Variants in GOLGA2 observed in about 807,000 individuals in gnomAD.
The protein encoded by GOLGA2 is golgin subfamily A member 2.
In GOLGA2, 49 loss-of-function variants were observed where a neutral mutation model predicts 148.8. That is an observed-to-expected ratio of 0.33 (90% CI 0.26 to 0.42). The LOEUF (loss-of-function observed/expected upper bound fraction) is 0.42. Ranked by LOEUF, GOLGA2 falls within the 10% of genes least tolerant of loss-of-function variation. The pLI, the probability that GOLGA2 is intolerant of heterozygous loss-of-function variation, is 1.00. For missense variants in GOLGA2, 1,178 were observed against 1,304.6 expected (o/e 0.90, Z 1.49); for synonymous variants, 501 against 511.8 (o/e 0.98, Z 0.28).
In GOLGA2 at chr9:128,265,712, A is replaced by G. The variant is rs780405190; in HGVS notation, c.827-21T>C. On this transcript the variant is annotated intron_variant, in intron 11 of 26. Coordinates refer to ENST00000611957, the MANE Select transcript of GOLGA2 (RefSeq NM_001366244.2). ...CTCTCCTGGAATGAGAGAGGTTGAG[A>G]TGGGGCCCAAAGGACTCCCCCTAAA... is the stretch of plus-strand genomic sequence containing the variant. The G allele has an allele frequency of 5.0e-6, 8 of 1,612,408 alleles. No individual in the cohort carries two copies. In the South Asian group the frequency reaches 8.8e-5, roughly 18 times the overall value.
Position 128,260,196 on chromosome 9 carries a change from A to G in GOLGA2, c.1759-7T>C, listed in dbSNP as rs1830168122. ...TCTCCATGTTCTCATTAGTCTGGAC[A>G]GAGAGAAGCAATCAGCGGCCACCCA... On this transcript the variant is annotated splice_region_variant and splice_polypyrimidine_tract_variant and intron_variant, in intron 18 of 26. Coordinates refer to ENST00000611957, the MANE Select transcript of GOLGA2 (RefSeq NM_001366244.2). This position sits in a 1 kb window ranked among gnomAD's most constrained non-coding sequence, Gnocchi z 4.8. 1.9e-6 allele frequency: 3 copies of G among 1,592,762 alleles called. No individual in the cohort carries two copies. The highest frequency in any genetic ancestry group is 2.6e-6 in the Non-Finnish European group (3 of 1,167,766).
Position 128,267,522 on chromosome 9 carries a change from A to G in GOLGA2, c.502-5T>C. 6.2e-7 allele frequency: 1 copy of G among 1,609,444 alleles called. No individual in the cohort carries two copies. Among genetic ancestry groups the G allele is most frequent in the Non-Finnish European group, 8.5e-7 (1 of 1,175,734 alleles). The stretch of plus-strand genomic sequence containing the variant: ...CCCATTGACACATGTCGCAGACTAT[A>G]AGAGACGAGAGTGCACATGGAGATG... On this transcript the variant is annotated splice_polypyrimidine_tract_variant and splice_region_variant and intron_variant, in intron 6 of 26. Transcript: ENST00000611957.
chr9:128,267,571 CCTCT>C (rs1830672162), intron 6 of GOLGA2, 54 bp from the exon 7 acceptor site: 1 of 1,364,516 alleles, frequency 7.3e-7, no homozygotes, highest in Non-Finnish European at 1.0e-6. Flanking sequence ...GTGTCTAAGC[CCTCT>C]AACTTCGTTT....
rs1214169025 is a variant in GOLGA2, at chr9:128,266,480, C to CA, written c.643-156dup. The CA allele has an allele frequency of 1.5e-6, 1 of 650,156 alleles. No individual in the cohort carries two copies. Among genetic ancestry groups the CA allele is most frequent in the Non-Finnish European group, 2.7e-6 (1 of 369,258 alleles). 40.3% of individuals were successfully genotyped at this position (650,156 alleles called of 1,614,324 possible). A position where few individuals can be genotyped will look rare whatever the true frequency, so the allele number is the denominator to read the frequency against. On this transcript the variant is annotated intron_variant, in intron 8 of 26. Transcript: ENST00000611957. The surrounding 1 kb of genome is among the most constrained non-coding windows in gnomAD (Gnocchi z 4.2). Reference sequence around the variant, plus strand: ...AACTGGTAAACTCTCCTCAGGCTCTCAAGGAAAGGGGATTTGTGTCTTTGT... The same window carrying CA: ...AACTGGTAAACTCTCCTCAGGCTCTCAAAGGAAAGGGGATTTGTGTCTTTGT...
chr9:128,267,082 C>T, intron 8 of GOLGA2, 112 bp downstream of exon 8: 2 of 796,074 alleles, frequency 2.5e-6, no homozygotes, highest in South Asian at 2.8e-5. Context: ...CCCCCCAGCT[C>T]CCCATTCGCC....
Position 128,261,993 on chromosome 9 carries a change from C to G in GOLGA2, c.1135-236G>C, listed in dbSNP as rs1830304561. On this transcript the variant is annotated intron_variant, in intron 14 of 26. Coordinates refer to ENST00000611957, the MANE Select transcript of GOLGA2 (RefSeq NM_001366244.2). The surrounding 1 kb of genome is among the most constrained non-coding windows in gnomAD (Gnocchi z 5.7). Reference sequence around the variant, plus strand: ...CTGAGGTGGGTGGATTGCTTGAGCTCAGGAGTTCAAGACCAACCTCGGCAA... The same window carrying G: ...CTGAGGTGGGTGGATTGCTTGAGCTGAGGAGTTCAAGACCAACCTCGGCAA... The G allele has an allele frequency of 5.9e-6, 3 of 510,392 alleles. No individual in the cohort carries two copies. The highest frequency in any genetic ancestry group is 1.0e-5 in the Non-Finnish European group (3 of 286,166). 31.6% of individuals were successfully genotyped at this position (510,392 alleles called of 1,614,324 possible).
chr9:128,259,521 C>A (rs1237056950), intron 19 of GOLGA2, 130 bp from the exon 20 acceptor site: 2 of 622,272 alleles, frequency 3.2e-6, no homozygotes, highest in Admixed American at 3.0e-5. Context: ...AAGTGACTGC[C>A]TCCCTTGTCT....
Position 128,261,569 on chromosome 9 carries a change from A to C in GOLGA2, c.1225-8T>G, listed in dbSNP as rs1347685060. 1 of 1,569,010 alleles carries C rather than the reference A, an allele frequency of 6.4e-7. No individual in the cohort carries two copies. On this transcript the variant is annotated splice_region_variant and splice_polypyrimidine_tract_variant and intron_variant, in intron 15 of 26. Coordinates refer to ENST00000611957, the MANE Select transcript of GOLGA2 (RefSeq NM_001366244.2). The surrounding 1 kb of genome is among the most constrained non-coding windows in gnomAD (Gnocchi z 5.7). The stretch of plus-strand genomic sequence containing the variant: ...TCTAACCGACTCCATTACCTGCAAG[A>C]ATGGCCACAGAAATGAGGAAGGACT...
Position 128,257,124 on chromosome 9 carries a change from G to A in GOLGA2, c.3033C>T (p.Cys1011=). The change falls in exon 27 of 27, where the codon TGC becomes TGT. Residue 1011 remains cysteine (C), a synonymous_variant. Transcript: ENST00000611957. This position sits in a 1 kb window ranked among gnomAD's most constrained non-coding sequence, Gnocchi z 8.0. ...CGTCAGCCCGGTAAAAAAAAGGAAT[G>A]CAGGGGTTGCTGCCCAAGCCTGGGC... ...RERPGLGSNP[C]IPFFYRADEN... 2 of 1,614,134 alleles carry A rather than the reference G, an allele frequency of 1.2e-6. No homozygotes were observed. The highest frequency in any genetic ancestry group is 2.2e-5 in the East Asian group (1 of 44,874).
intron 1 of GOLGA2, 81 bp from the exon 2 acceptor site, chr9:128,274,053 A>G: frequency 1.5e-6 from 2 of 1,312,134 alleles, no homozygotes; most frequent in Non-Finnish European, 2.1e-6. Flanking sequence ...TTTCCAAAAT[A>G]CTCTTATATA....
chr9:128,262,835 C>T, intron 13 of GOLGA2, 131 bp from the exon 14 acceptor site: 1 of 896,842 alleles, frequency 1.1e-6, no homozygotes, highest in South Asian at 1.5e-5. Context: ...TCAAAAGTCA[C>T]ATGTACAGGC....
Position 128,258,419 on chromosome 9 carries a change from A to G in GOLGA2, c.2289+36T>C, listed in dbSNP as rs202052685. ...GGGGTCTGGGAGGGACCACAGAGGG[A>G]GGCAGCAAAGGTTGGGGAGGGGGAG... On this transcript the variant is annotated intron_variant, in intron 22 of 26. Coordinates refer to ENST00000611957, the MANE Select transcript of GOLGA2 (RefSeq NM_001366244.2). This position sits in a 1 kb window ranked among gnomAD's most constrained non-coding sequence, Gnocchi z 6.6. The G allele has an allele frequency of 1.3e-6, 2 of 1,558,610 alleles. No homozygotes were observed. Among genetic ancestry groups the G allele is most frequent in the African/African-American group, 2.7e-5 (2 of 73,516 alleles).
chr9:128,262,649 C>G lies in GOLGA2; in HGVS notation c.1048G>C (p.Val350Leu), dbSNP rs762572891. 6.2e-7 allele frequency: 1 copy of G among 1,613,756 alleles called. No individual in the cohort carries two copies. Among genetic ancestry groups the G allele is most frequent in the Non-Finnish European group, 8.5e-7 (1 of 1,179,630 alleles). Residue 350 changes from valine (V) to leucine (L), a missense_variant, in exon 14 of 27, where the codon GTC becomes CTC. Val to Leu is a conservative substitution (Grantham distance 32). Around this residue, in one of 5 missense-constraint regions of GOLGA2, gnomAD observed 304 missense variants for 404.1 expected, o/e 0.75. Coordinates refer to ENST00000611957, the MANE Select transcript of GOLGA2 (RefSeq NM_001366244.2). ...ATGCCAGCCTTCTCAGTCACTAGGA[C>G]CCGAAGCTTCTCTTCCAATTCTGAT... ...EKSELEEKLR[V>L]LVTEKAGMQL...
At chr9:128,265,535 C>G in intron 12 of GOLGA2, 50 bp downstream of exon 12, 1 of 1,323,492 alleles carries the variant, frequency 7.6e-7, no homozygotes, top group Non-Finnish European at 1.1e-6. Context: ...GCTCACTCCT[C>G]CATCTGGGAA....
rs761729776 is a variant in GOLGA2 at position 128,260,440 on chromosome 9, G to A, written c.1758+25C>T. On this transcript the variant is annotated intron_variant, in intron 18 of 26. Coordinates refer to ENST00000611957, the MANE Select transcript of GOLGA2 (RefSeq NM_001366244.2). The surrounding 1 kb of genome is among the most constrained non-coding windows in gnomAD (Gnocchi z 4.8). ...GGTCTGGAGGGCTAGGGAGGAGGGC[G>A]GGCTCTCCAGGTGGGGCAGCGCACC... 1.2e-5 allele frequency: 19 copies of A among 1,561,706 alleles called. No individual in the cohort carries two copies. The highest frequency in any genetic ancestry group is 1.7e-4 in the Middle Eastern group (1 of 5,938).
At position 128,268,073 on chromosome 9, in the gene GOLGA2, A is replaced by T. The variant is rs553152502; in HGVS notation, c.437+44T>A. 16 of 1,601,630 alleles carry T rather than the reference A, an allele frequency of 1.0e-5. No individual in the cohort carries two copies. The Admixed American group carries it at 2.5e-4, about 25-fold the overall frequency. Reference sequence around the variant, plus strand: ...AAGGTCATGGGCAGTGGCCTCCCTGACTCTCTCAGCCTAGAGACTGCTGCC... The same window carrying T: ...AAGGTCATGGGCAGTGGCCTCCCTGTCTCTCTCAGCCTAGAGACTGCTGCC... On this transcript the variant is annotated intron_variant, in intron 5 of 26. Coordinates refer to ENST00000611957, the MANE Select transcript of GOLGA2 (RefSeq NM_001366244.2).
Position 128,268,447 on chromosome 9 carries a change from G to A in GOLGA2, c.366C>T (p.Ala122=). Residue 122 remains alanine (A), a synonymous_variant, in exon 4 of 27, where the codon GCC becomes GCT. Transcript: ENST00000611957. ...GAGATGCCGCCATGCTAGTGAGACT[G>A]GCACCAGGGGAAGGGACACCGCCAG... ...VLPGGVPSPG[A]SLTSMAASQN... is the part of the protein sequence containing the mutation. 6.2e-7 allele frequency: 1 copy of A among 1,607,924 alleles called. No individual in the cohort carries two copies. Among genetic ancestry groups the A allele is most frequent in the Non-Finnish European group, 8.5e-7 (1 of 1,174,846 alleles).
chr9:128,275,992 AACCACTGCGG>A lies in GOLGA2; in HGVS notation c.-26_-17del. ...GGGGCCACATCAGCGCGATCCCGGC[AACCACTGCGG>A]AAGTCAGTCAGCCACCGCGCAGCTG... is the stretch of plus-strand genomic sequence containing the variant. On this transcript the variant is annotated 5_prime_UTR_variant, in exon 1 of 27. Transcript: ENST00000611957. 6.3e-7 allele frequency: 1 copy of A among 1,598,792 alleles called. No homozygotes were observed. The highest frequency in any genetic ancestry group is 8.5e-7 in the Non-Finnish European group (1 of 1,171,134).
Position 128,258,718 on chromosome 9 carries a change from TA to T in GOLGA2, c.2174-149del. ...TCTTTATTTTTATTTTATTCTTTTT[TA>T]AGAGCCAAGGGCTCGCTATGCTGCC... On this transcript the variant is annotated intron_variant, in intron 21 of 26. Transcript: ENST00000611957. This position sits in a 1 kb window ranked among gnomAD's most constrained non-coding sequence, Gnocchi z 6.6. 1.5e-6 allele frequency: 1 copy of T among 665,770 alleles called. No individual in the cohort carries two copies. The highest frequency in any genetic ancestry group is 2.5e-6 in the Non-Finnish European group (1 of 396,034). The allele number at this position is 665,770 out of a possible 1,614,324, so 41.2% of individuals were successfully genotyped here.
Sources: gnomAD v4.1 joint callset for allele counts on GRCh38, gnomAD v4.1.1 for gene constraint, gnomAD v4.1.1 regional missense constraint, Gnocchi (gnomAD v3.1) non-coding constraint, MANE v1.5 for transcripts, NCBI Gene and HGNC (gene_info 2026-07-23, HGNC 2026-07-21) for gene names.